Variants in C12orf42 observed in about 807,000 individuals in gnomAD.
C12orf42 encodes the protein uncharacterized protein C12orf42.
In C12orf42, 25 loss-of-function variants were observed where a neutral mutation model predicts 21.6. The observed-to-expected ratio is 1.16, with a 90% confidence interval of 0.84 to 1.62. C12orf42 has a LOEUF of 1.62. C12orf42 is among the 40% of genes most tolerant of loss of function. The pLI is 0.00. For missense variants in C12orf42, 483 were observed against 459.3 expected (o/e 1.05, Z -0.47); for synonymous variants, 174 against 175.0 (o/e 0.99, Z 0.05).
At chr12:103,266,153 T>C (rs903324815), downstream of C12orf42, among the ~76,000 whole-genome samples, 2 of 152,280 alleles carry the variant, frequency 1.3e-5, no homozygotes, top group South Asian at 2.1e-4. Flanking sequence ...TTAAAGTGTA[T>C]TATTGAAGAG....
downstream of C12orf42, chr12:103,267,466 T>C (rs115290816): frequency 4.4e-3 from 666 of 152,244 alleles, 7 homozygotes; most frequent in African/African-American, 0.016. Flanking sequence ...GTAATATGTA[T>C]AAATGTGAAA....
the C12orf42 span, chr12:103,559,240 C>T: frequency 3.8e-5 from 5 of 133,128 alleles, no homozygotes; most frequent in Non-Finnish European, 8.8e-5. Context: ...TGCAACTGGC[C>T]CCCAATTAAA....
chr12:103,518,390 G>T, the C12orf42 span, among the ~76,000 whole-genome samples: 1 of 152,090 alleles, frequency 6.6e-6, no homozygotes, highest in Non-Finnish European at 1.5e-5. Context: ...TCCTCCTTGG[G>T]ACTAGACGCC....
chr12:103,235,975 A>G (rs184363793), downstream of C12orf42, among the ~76,000 whole-genome samples: 161 of 152,326 alleles, frequency 1.1e-3, no homozygotes, highest in Admixed American at 2.4e-3. Flanking sequence ...GGTTCTGGAA[A>G]TAAGGTAAGT....
chr12:103,441,840 C>G (rs1254561572), intron 2 of C12orf42, among the ~76,000 whole-genome samples: 2 of 152,108 alleles, frequency 1.3e-5, no homozygotes, highest in Non-Finnish European at 2.9e-5. Context: ...AAATTATTTT[C>G]TCTTAGAAAT....
chr12:103,329,900 A>T (rs944852761), intron 4 of C12orf42, among the ~76,000 whole-genome samples: 1 of 151,920 alleles, frequency 6.6e-6, no homozygotes, highest in Admixed American at 6.6e-5. Context: ...TATGACACAT[A>T]TGTATATCCA....
chr12:103,490,845 G>A (rs907640725), intron 1 of C12orf42, among the ~76,000 whole-genome samples: 1 of 151,622 alleles, frequency 6.6e-6, no homozygotes, highest in Non-Finnish European at 1.5e-5. Flanking sequence ...GATTATTCTT[G>A]TTTATTATAT....
At chr12:103,282,328 C>A (rs896590697) in intron 4 of C12orf42, among the ~76,000 whole-genome samples, 4 of 152,150 alleles carry the variant, frequency 2.6e-5, no homozygotes, top group African/African-American at 9.7e-5. Flanking sequence ...TCATGTGCTG[C>A]ATAACAATAT....
chr12:103,357,792 A>G (rs551821306), intron 4 of C12orf42, among the ~76,000 whole-genome samples: 1 of 152,244 alleles, frequency 6.6e-6, no homozygotes, highest in East Asian at 1.9e-4. Flanking sequence ...AACGTTATTC[A>G]TAGAATAAAT....
chr12:103,511,462 T>C, the C12orf42 span, among the ~76,000 whole-genome samples: 3 of 151,980 alleles, frequency 2.0e-5, no homozygotes, highest in Non-Finnish European at 2.9e-5. Context: ...TCTATTCATA[T>C]GAAATTGAGG....
chr12:103,519,237 A>G, the C12orf42 span, among the ~76,000 whole-genome samples: 1 of 152,174 alleles, frequency 6.6e-6, no homozygotes, highest in Non-Finnish European at 1.5e-5. Flanking sequence ...AATCAATTAA[A>G]CCATTTACCT....
intron 3 of C12orf42, among the ~76,000 whole-genome samples, chr12:103,393,054 A>G (rs982414832): frequency 1.3e-5 from 2 of 152,206 alleles, no homozygotes; most frequent in African/African-American, 4.8e-5. Flanking sequence ...TAAAGCATCC[A>G]AAGTTATTTT....
At chr12:103,510,145 G>A in the C12orf42 span, among the ~76,000 whole-genome samples, 515 of 152,292 alleles carry the variant, frequency 3.4e-3, 4 homozygotes, top group Non-Finnish European at 6.4e-3. Context: ...AAATTGTGGT[G>A]CGTATATATA....
At chr12:103,541,522 G>A in the C12orf42 span, among the ~76,000 whole-genome samples, 13 of 152,232 alleles carry the variant, frequency 8.5e-5, no homozygotes, top group Admixed American at 1.3e-4. Context: ...CTACTGTGCC[G>A]CCAGTTGTAT....
the C12orf42 span, among the ~76,000 whole-genome samples, chr12:103,229,890 G>A: frequency 6.6e-6 from 1 of 152,208 alleles, no homozygotes; most frequent in Non-Finnish European, 1.5e-5. Context: ...ACCGAATCCT[G>A]TGGGAAATGT....
At chr12:103,507,085 T>TA in the C12orf42 span, among the ~76,000 whole-genome samples, 62 of 11,344 alleles carry the variant, frequency 5.5e-3, no homozygotes, top group Non-Finnish European at 6.5e-3. Flanking sequence ...TATTTATATA[T>TA]AATATATATT....
the C12orf42 span, among the ~76,000 whole-genome samples, chr12:103,085,086 A>T: frequency 6.6e-6 from 1 of 152,198 alleles, no homozygotes; most frequent in African/African-American, 2.4e-5. Flanking sequence ...TTAAATTTCC[A>T]AAGATAAATA....
intron 3 of C12orf42, among the ~76,000 whole-genome samples, chr12:103,397,433 T>G (rs751474555): frequency 6.6e-6 from 1 of 152,080 alleles, no homozygotes; most frequent in Non-Finnish European, 1.5e-5. Context: ...GTAAGATCAG[T>G]GGTGGCACTA....
Position 103,286,622 on chromosome 12 carries a change from T to C in C12orf42, n.338-9412A>G, listed in dbSNP as rs188197971. ...ATTATTCTTATTATTACTATTATTT[T>C]GCAATAGAGAGGAAAAATGTGTGTG... On this transcript the variant is annotated intron_variant and non_coding_transcript_variant, in intron 4 of 6. Coordinates refer to the C12orf42 transcript ENST00000546526. Among the ~76,000 whole-genome samples the C allele has an allele frequency of 1.9e-4, 29 of 151,824 alleles. No homozygotes were observed. In the East Asian group the frequency reaches 3.9e-3, roughly 20 times the overall value.
Sources: gnomAD v4.1 joint callset for allele counts (sites outside exome capture counted in the v4.1 genomes callset) on GRCh38, gnomAD v4.1.1 for gene constraint, MANE v1.5 for transcripts, NCBI Gene and HGNC (gene_info 2026-07-23, HGNC 2026-07-21) for gene names.